Variants in UBE2E2 observed in about 807,000 individuals in gnomAD.
UBE2E2 encodes the protein ubiquitin conjugating enzyme E2 E2.
In UBE2E2, 6 loss-of-function variants were observed where a neutral mutation model predicts 24.7. The observed-to-expected ratio is 0.24, with a 90% CI of 0.13 to 0.48. The LOEUF is 0.48. UBE2E2 is among the 20% of genes least tolerant of loss of function. The pLI, the probability that UBE2E2 is intolerant of heterozygous loss-of-function variation, is 0.99. For synonymous variants in UBE2E2, 104 were observed against 83.6 expected, an observed-to-expected ratio of 1.24 and a Z score of -1.33; for missense variants, 169 against 245.0, an observed-to-expected ratio of 0.69 and a Z score of 2.07.
At chr3:23,506,640 A>G (rs1490886665) in intron 4 of UBE2E2, among the ~76,000 whole-genome samples, 1 of 152,040 alleles carries the variant, frequency 6.6e-6, no homozygotes, top group Non-Finnish European at 1.5e-5. Flanking sequence ...CTTCAACAGT[A>G]CACCCCATAT....
chr3:23,474,190 T>C lies in UBE2E2; in HGVS notation c.228-25418T>C, dbSNP rs949829449. ...TTGTTGGCCATTTTTATATCTTCTTTTGAGAATTGTCTATTCATGTCCTTA... is the reference window on the plus strand; with the variant it reads ...TTGTTGGCCATTTTTATATCTTCTTCTGAGAATTGTCTATTCATGTCCTTA... On this transcript the variant is annotated intron_variant, in intron 3 of 5. Transcript: ENST00000396703. The surrounding 1 kb of genome is among the most constrained non-coding windows in gnomAD (Gnocchi z 4.0). 6.6e-6 allele frequency among the ~76,000 whole-genome samples: 1 copy of C among 152,124 alleles called. No homozygotes were observed. Among genetic ancestry groups the C allele is most frequent in the Admixed American group, 6.5e-5 (1 of 15,278 alleles).
rs147134854 is a variant in UBE2E2, at chr3:23,583,702, T to G, written c.509-6032T>G. Reference sequence around the variant, plus strand: ...ATTGTGAATGGGATTGTGTTCTTGTTTTGGCTCTCAGCCTGTATGGTGTTG... The same window carrying G: ...ATTGTGAATGGGATTGTGTTCTTGTGTTGGCTCTCAGCCTGTATGGTGTTG... On this transcript the variant is annotated intron_variant, in intron 5 of 5. Coordinates refer to ENST00000396703, the MANE Select transcript of UBE2E2 (RefSeq NM_152653.4). The surrounding 1 kb of genome is among the most constrained non-coding windows in gnomAD (Gnocchi z 4.1). 3.4e-4 allele frequency among the ~76,000 whole-genome samples: 52 copies of G among 152,346 alleles called. No homozygotes were observed. In the East Asian group the frequency reaches 9.8e-3, roughly 29 times the overall value.
chr3:23,515,280 C>A (rs1274915054), intron 4 of UBE2E2, among the ~76,000 whole-genome samples: 1 of 152,000 alleles, frequency 6.6e-6, no homozygotes, highest in Non-Finnish European at 1.5e-5. Context: ...AGTTGAAAAA[C>A]AATGAAAAGC....
At chr3:23,206,631 A>G (rs1696154920) in intron 1 of UBE2E2, among the ~76,000 whole-genome samples, 1 of 151,934 alleles carries the variant, frequency 6.6e-6, no homozygotes, top group African/African-American at 2.4e-5. Flanking sequence ...AGGATTCACT[A>G]TTTTCTGTTG....
chr3:23,242,124 C>T (rs1697274977), intron 3 of UBE2E2, among the ~76,000 whole-genome samples: 1 of 151,988 alleles, frequency 6.6e-6, no homozygotes, highest in African/African-American at 2.4e-5. Context: ...CTGTGTTGCC[C>T]AGGCTGGTCT....
chr3:23,343,717 G>A (rs75966419), intron 3 of UBE2E2, among the ~76,000 whole-genome samples: 4 of 152,154 alleles, frequency 2.6e-5, no homozygotes, highest in Non-Finnish European at 5.9e-5. Context: ...TCCTTTCCAA[G>A]GAGACCTCGT....
At chr3:23,509,676 C>T (rs540040218) in intron 4 of UBE2E2, among the ~76,000 whole-genome samples, 29 of 151,902 alleles carry the variant, frequency 1.9e-4, no homozygotes, top group East Asian at 3.9e-4. Flanking sequence ...GTGCTGCACC[C>T]GTTAACTCGT....
chr3:23,544,126 A>G (rs1434743276), intron 5 of UBE2E2, among the ~76,000 whole-genome samples: 1 of 152,218 alleles, frequency 6.6e-6, no homozygotes, highest in African/African-American at 2.4e-5. Context: ...AAACCTAGGA[A>G]AAACTCTTTT....
chr3:23,543,387 C>A (rs1425301103), intron 5 of UBE2E2, among the ~76,000 whole-genome samples: 1 of 152,020 alleles, frequency 6.6e-6, no homozygotes, highest in Non-Finnish European at 1.5e-5. Flanking sequence ...TCAGTGTACA[C>A]AAATCAGTAG....
At chr3:23,417,200 G>A (rs535100616) in intron 3 of UBE2E2, among the ~76,000 whole-genome samples, 2 of 152,148 alleles carry the variant, frequency 1.3e-5, no homozygotes, top group African/African-American at 4.8e-5. Context: ...ACCTACCTTT[G>A]TTCTTTGATG....
At chr3:23,462,255 A>G (rs568405163) in intron 3 of UBE2E2, among the ~76,000 whole-genome samples, 16 of 152,212 alleles carry the variant, frequency 1.1e-4, no homozygotes, top group African/African-American at 3.9e-4. Flanking sequence ...TGCCCAGTGT[A>G]TAGCTAGTAT....
At chr3:23,405,868 A>G (rs973552798) in intron 3 of UBE2E2, among the ~76,000 whole-genome samples, 2 of 152,176 alleles carry the variant, frequency 1.3e-5, no homozygotes, top group Non-Finnish European at 2.9e-5. Flanking sequence ...GCAAGTCTGG[A>G]TCAAAGTGAT....
At chr3:23,300,774 T>C (rs192572148) in intron 3 of UBE2E2, among the ~76,000 whole-genome samples, 9,577 of 152,154 alleles carry the variant, frequency 0.063, 476 homozygotes, top group Non-Finnish European at 0.092. Flanking sequence ...GGAGTTGCTC[T>C]TCTCGAGAAG....
intron 5 of UBE2E2, among the ~76,000 whole-genome samples, chr3:23,547,822 C>T (rs1695557680): frequency 6.6e-6 from 1 of 152,130 alleles, no homozygotes; most frequent in South Asian, 2.1e-4. Context: ...GAATGTACTA[C>T]CTTCTGAGAC....
intron 3 of UBE2E2, among the ~76,000 whole-genome samples, chr3:23,479,813 C>A (rs943489929): frequency 6.6e-6 from 1 of 152,184 alleles, no homozygotes; most frequent in Non-Finnish European, 1.5e-5. Flanking sequence ...AGCAGGTCAT[C>A]TAGAGGAGTG....
In UBE2E2 at chr3:23,368,231, T is replaced by C. The variant is rs187173178; in HGVS notation, c.228-131377T>C. ...AATCCTAATTTAGAAACCAGGTAGATTGTGAAATGGCAAAGTTGATGATGA... is the reference window on the plus strand; with the variant it reads ...AATCCTAATTTAGAAACCAGGTAGACTGTGAAATGGCAAAGTTGATGATGA... On this transcript the variant is annotated intron_variant, in intron 3 of 5. Coordinates refer to ENST00000396703, the MANE Select transcript of UBE2E2 (RefSeq NM_152653.4). Among the ~76,000 whole-genome samples, 8 of 152,272 alleles carry C rather than the reference T, an allele frequency of 5.3e-5. No homozygotes were observed. In the East Asian group the frequency reaches 1.5e-3, roughly 29 times the overall value.
chr3:23,527,684 T>G (rs762899315), intron 4 of UBE2E2, among the ~76,000 whole-genome samples: 1 of 152,084 alleles, frequency 6.6e-6, no homozygotes, highest in Non-Finnish European at 1.5e-5. Context: ...TAATGACCAA[T>G]GATTTAAATC....
chr3:23,518,348 C>T (rs1236130520), intron 4 of UBE2E2, among the ~76,000 whole-genome samples: 1 of 152,150 alleles, frequency 6.6e-6, no homozygotes, highest in African/African-American at 2.4e-5. Context: ...AAGTGGAAAA[C>T]AAACCCAGGT....
intron 2 of UBE2E2, among the ~76,000 whole-genome samples, chr3:23,216,005 G>A (rs1301243075): frequency 6.6e-6 from 1 of 152,176 alleles, no homozygotes; most frequent in Non-Finnish European, 1.5e-5. Flanking sequence ...TGTTAAAAGA[G>A]ATCACGGAGT....
Sources: gnomAD v4.1 joint callset for allele counts (sites outside exome capture counted in the v4.1 genomes callset) on GRCh38, gnomAD v4.1.1 for gene constraint, Gnocchi (gnomAD v3.1) non-coding constraint, MANE v1.5 for transcripts, NCBI Gene and HGNC (gene_info 2026-07-23, HGNC 2026-07-21) for gene names.